INTS9: variants seen among roughly 807,000 people sequenced by gnomAD.
INTS9 encodes protein related to CPSF subunits of 74 kDa.
INTS9 carries 55 observed loss-of-function variants against 79.7 expected under a neutral mutation model. The observed-to-expected ratio is 0.69, with a 90% CI of 0.56 to 0.86. The LOEUF is 0.86. INTS9 is among the 40% of genes least tolerant of loss of function. INTS9 has a pLI of 0.00. For synonymous variants in INTS9, 319 were observed against 325.2 expected, an observed-to-expected ratio of 0.98 and a Z score of 0.20; for missense variants, 721 against 831.5, an observed-to-expected ratio of 0.87 and a Z score of 1.64.
At chr8:28,846,509 T>C (rs1186991450) in intron 4 of INTS9, among the ~76,000 whole-genome samples, 1 of 152,150 alleles carries the variant, frequency 6.6e-6, no homozygotes, top group Non-Finnish European at 1.5e-5. Flanking sequence ...CTAGGAGTAT[T>C]AGTGGGGATT....
intron 1 of INTS9, among the ~76,000 whole-genome samples, chr8:28,880,249 C>T (rs1585530453): frequency 7.0e-6 from 1 of 142,116 alleles, no homozygotes; most frequent in Admixed American, 6.9e-5. Flanking sequence ...TCTCCCTCTC[C>T]CTCTCCCTCT....
At chr8:28,794,547 A>C (rs1017736330) in intron 9 of INTS9, among the ~76,000 whole-genome samples, 1 of 151,970 alleles carries the variant, frequency 6.6e-6, no homozygotes, top group African/African-American at 2.4e-5. Context: ...TACAGTGGAG[A>C]AAATCAACAT....
chr8:28,817,850 C>A (rs1475902524), intron 6 of INTS9, among the ~76,000 whole-genome samples: 4 of 148,142 alleles, frequency 2.7e-5, no homozygotes, highest in Non-Finnish European at 6.0e-5. Flanking sequence ...GTTTGTAGTT[C>A]TCCTTGAAGA....
rs779693787 is a variant in INTS9, at chr8:28,773,987, T to G, written c.1563+1772A>C. On this transcript the variant is annotated intron_variant, in intron 14 of 16. Coordinates refer to ENST00000521022, the MANE Select transcript of INTS9 (RefSeq NM_018250.4). ...GGTGCGTGACACCACGCCCAGCTAA[T>G]TTTTTTTAGTGGAGATGGGGTTTCA... 3.3e-5 allele frequency among the ~76,000 whole-genome samples: 5 copies of G among 151,994 alleles called. No homozygotes were observed. In the South Asian group the frequency reaches 1.0e-3, roughly 32 times the overall value.
Position 28,851,946 on chromosome 8 carries a change from T to C in INTS9, c.138-1673A>G, listed in dbSNP as rs144069398. On this transcript the variant is annotated intron_variant, in intron 2 of 16. Coordinates refer to ENST00000521022, the MANE Select transcript of INTS9 (RefSeq NM_018250.4). The stretch of plus-strand genomic sequence containing the variant: ...GAAAATCACTACTGGAGGCCAGGTG[T>C]GGTAGCTCACACCTGTAATCCCAGC... 8.6e-3 allele frequency among the ~76,000 whole-genome samples: 1,301 copies of C among 152,154 alleles called. 18 individuals are homozygous for C. Among genetic ancestry groups the C allele is most frequent in the African/African-American group, 0.03 (1,230 of 41,524 alleles).
chr8:28,783,180 C>A (rs948511425), intron 11 of INTS9, among the ~76,000 whole-genome samples: 1 of 150,442 alleles, frequency 6.6e-6, no homozygotes, highest in Non-Finnish European at 1.5e-5. Flanking sequence ...GAAGCAGGTG[C>A]CCCGCAGCCT....
chr8:28,827,942 C>T (rs1806247573), intron 6 of INTS9, among the ~76,000 whole-genome samples: 1 of 152,108 alleles, frequency 6.6e-6, no homozygotes, highest in Admixed American at 6.5e-5. Flanking sequence ...GTTTGTCACT[C>T]AACATCCTGG....
rs769371555 is a variant in INTS9, at chr8:28,793,908, T to C, written c.936A>G (p.Leu312=). 34 of 1,613,870 alleles carry C rather than the reference T, an allele frequency of 2.1e-5. No homozygotes were observed. The highest frequency in any genetic ancestry group is 1.8e-4 in the Admixed American group (11 of 59,986). ...SGVIYDLLEC[L]YQYIDSAGLS... is the part of the protein sequence containing the mutation. ...GCCCGGCTGAGTCGATGTACTGATA[T>C]AGGCACTCCAGGAGGTCATAGATCA... Residue 312 remains leucine, a synonymous_variant, in exon 10 of 17, where the codon CTA becomes CTG. Transcript: ENST00000521022.
At chr8:28,854,011 G>A (rs933439567) in intron 2 of INTS9, among the ~76,000 whole-genome samples, 5 of 152,052 alleles carry the variant, frequency 3.3e-5, no homozygotes, top group Admixed American at 1.3e-4. Flanking sequence ...GTAAGCCACC[G>A]CGCCTGGCCC....
At chr8:28,771,705 T>A (rs1802549950) in intron 14 of INTS9, among the ~76,000 whole-genome samples, 1 of 152,254 alleles carries the variant, frequency 6.6e-6, no homozygotes, top group African/African-American at 2.4e-5. Context: ...GAAGCGGCCC[T>A]TGCCGAGGAG....
chr8:28,848,747 C>A (rs1807666266), intron 3 of INTS9, among the ~76,000 whole-genome samples: 1 of 152,216 alleles, frequency 6.6e-6, no homozygotes, highest in Non-Finnish European at 1.5e-5. Context: ...TCCTCACAGG[C>A]TCTCATCCTT....
intron 10 of INTS9, among the ~76,000 whole-genome samples, chr8:28,791,241 G>C (rs1203334106): frequency 6.6e-6 from 1 of 152,040 alleles, no homozygotes; most frequent in African/African-American, 2.4e-5. Flanking sequence ...AAATGCAGAA[G>C]GCTCTATATA....
At chr8:28,812,775 C>T (rs993409190) in intron 7 of INTS9, among the ~76,000 whole-genome samples, 3 of 152,114 alleles carry the variant, frequency 2.0e-5, no homozygotes, top group Non-Finnish European at 2.9e-5. Flanking sequence ...CACTGGAGCC[C>T]GGGAAGTTGA....
At chr8:28,777,744 GATCT>G (rs1802977182) in intron 13 of INTS9, 81 bp downstream of exon 13, 1 of 1,439,460 alleles carries the variant, frequency 6.9e-7, no homozygotes, top group African/African-American at 1.4e-5. Context: ...AACACAGCTA[GATCT>G]CTCTCCCCTC....
At chr8:28,822,733 GGAAGCTA>G (rs1805911723) in intron 6 of INTS9, among the ~76,000 whole-genome samples, 2 of 152,160 alleles carry the variant, frequency 1.3e-5, no homozygotes, top group African/African-American at 2.4e-5. Flanking sequence ...CAGCACTCCT[GGAAGCTA>G]GAAGGAAATA....
At chr8:28,812,198 T>C in intron 8 of INTS9, 129 bp downstream of exon 8, 1 of 920,420 alleles carries the variant, frequency 1.1e-6, no homozygotes, top group Non-Finnish European at 1.7e-6. Flanking sequence ...ATAGTCTACC[T>C]TGGCTAGAGA....
At chr8:28,855,820 GT>G (rs1808120737) in intron 2 of INTS9, among the ~76,000 whole-genome samples, 1 of 152,192 alleles carries the variant, frequency 6.6e-6, no homozygotes, top group South Asian at 2.1e-4. Context: ...TTGTACCATG[GT>G]TATGTTAGAG....
At chr8:28,816,316 C>A (rs1353851404) in intron 6 of INTS9, among the ~76,000 whole-genome samples, 2 of 121,700 alleles carry the variant, frequency 1.6e-5, no homozygotes, top group African/African-American at 6.3e-5. Context: ...CCCCCACCCA[C>A]AACAGTCCCC....
chr8:28,827,744 C>T (rs904319595), intron 6 of INTS9, among the ~76,000 whole-genome samples: 2 of 152,168 alleles, frequency 1.3e-5, no homozygotes, highest in African/African-American at 4.8e-5. Flanking sequence ...CAAAGCATGA[C>T]AGGAACGACT....
Sources: allele counts gnomAD v4.1 joint callset (sites outside exome capture counted in the v4.1 genomes callset), GRCh38; gene constraint gnomAD v4.1.1; transcripts MANE v1.5; gene names NCBI Gene and HGNC (gene_info 2026-07-23, HGNC 2026-07-21).